The following PLCB1 variants were observed in gnomAD, a reference collection of about 807,000 sequenced individuals.
PLCB1 encodes the protein phospholipase C beta 1, also known as 1-phosphatidylinositol 4,5-bisphosphate phosphodiesterase beta-1.
In PLCB1, 46 loss-of-function variants were observed where a neutral mutation model predicts 161.8. The observed-to-expected ratio is 0.28, with a 90% CI of 0.22 to 0.36. The LOEUF (loss-of-function observed/expected upper bound fraction) is 0.36. PLCB1 is among the 10% of genes least tolerant of loss of function. The probability of loss-of-function intolerance (pLI) is 1.00; values close to 1 mark genes in which losing one functional copy is unlikely to be tolerated. For synonymous variants in PLCB1, 517 were observed against 503.7 expected (o/e 1.03, Z -0.35); for missense variants, 1,016 against 1,472.5 (o/e 0.69, Z 5.07).
At chr20:8,234,868 C>T (rs538822397) in intron 2 of PLCB1, among the ~76,000 whole-genome samples, 7 of 152,136 alleles carry the variant, frequency 4.6e-5, no homozygotes, top group South Asian at 2.1e-4. Context: ...AACTGTCACC[C>T]GGAATATAAT....
chr20:8,499,765 G>A (rs1266804589), intron 3 of PLCB1, among the ~76,000 whole-genome samples: 1 of 152,110 alleles, frequency 6.6e-6, no homozygotes, highest in East Asian at 1.9e-4. Context: ...GTGGAGATTT[G>A]GGTGTGATTC....
chr20:8,520,775 T>G (rs1984317165), intron 3 of PLCB1, among the ~76,000 whole-genome samples: 1 of 152,230 alleles, frequency 6.6e-6, no homozygotes, highest in Non-Finnish European at 1.5e-5. Flanking sequence ...CTTTGGGGTC[T>G]GGCTTCTTTT....
intron 31 of PLCB1, among the ~76,000 whole-genome samples, chr20:8,815,585 A>AC (rs35720234): frequency 0.092 from 13,968 of 152,078 alleles, 1,823 homozygotes; most frequent in African/African-American, 0.29. Context: ...AAAGAGGCCC[A>AC]AGAGGTCCAC....
chr20:8,535,451 C>T (rs1340302528), intron 3 of PLCB1, among the ~76,000 whole-genome samples: 1 of 152,034 alleles, frequency 6.6e-6, no homozygotes, highest in Non-Finnish European at 1.5e-5. Flanking sequence ...ATAGTAGTTC[C>T]ATTTCTAAGG....
At chr20:8,416,725 T>C (rs891154336) in intron 3 of PLCB1, among the ~76,000 whole-genome samples, 4 of 152,030 alleles carry the variant, frequency 2.6e-5, no homozygotes, top group Non-Finnish European at 5.9e-5. Context: ...AGCCAAGTTT[T>C]GAAATGTGAG....
chr20:8,514,445 CAA>C (rs752609524), intron 3 of PLCB1, among the ~76,000 whole-genome samples: 3,914 of 78,412 alleles, frequency 0.05, 155 homozygotes, highest in African/African-American at 0.16. Context: ...ACTCCATCTC[CAA>C]AAAAAAAAAA....
At chr20:8,425,128 G>GT (rs1356131348) in intron 3 of PLCB1, among the ~76,000 whole-genome samples, 334 of 106,758 alleles carry the variant, frequency 3.1e-3, no homozygotes, top group African/African-American at 8.6e-3. Flanking sequence ...GCATTCTGAG[G>GT]TGTTTTTTTT....
At chr20:8,381,365 G>T (rs1010004021) in intron 3 of PLCB1, among the ~76,000 whole-genome samples, 1 of 152,096 alleles carries the variant, frequency 6.6e-6, no homozygotes, top group East Asian at 1.9e-4. Context: ...GAGGATTTTT[G>T]CATCGATGTT....
At chr20:8,421,532 A>C (rs1979538315) in intron 3 of PLCB1, among the ~76,000 whole-genome samples, 2 of 152,110 alleles carry the variant, frequency 1.3e-5, no homozygotes, top group Admixed American at 6.5e-5. Flanking sequence ...ACATTTGTGA[A>C]ACCTCATATG....
chr20:8,867,299 C>A lies in PLCB1; in HGVS notation c.3424-14323C>A, dbSNP rs764758939. 3.7e-4 allele frequency among the ~76,000 whole-genome samples: 57 copies of A among 152,314 alleles called. 1 individual carries two copies. Among genetic ancestry groups the A allele is most frequent in the Non-Finnish European group, 6.0e-4 (41 of 68,030 alleles). On this transcript the variant is annotated intron_variant, in intron 31 of 31. Transcript: ENST00000338037. ...AGGGCAGGACCCCCACAGGAAAAAGCCTTTGGAGACCCAAGACTTCCTGAA... is the reference window on the plus strand; with the variant it reads ...AGGGCAGGACCCCCACAGGAAAAAGACTTTGGAGACCCAAGACTTCCTGAA...
chr20:8,248,243 C>T (rs577055767), intron 2 of PLCB1, among the ~76,000 whole-genome samples: 31 of 151,874 alleles, frequency 2.0e-4, no homozygotes, highest in Non-Finnish European at 3.8e-4. Context: ...GGTAGCTTGG[C>T]TTTTACATTC....
chr20:8,428,790 A>G (rs1979905778), intron 3 of PLCB1, among the ~76,000 whole-genome samples: 1 of 152,228 alleles, frequency 6.6e-6, no homozygotes, highest in African/African-American at 2.4e-5. Context: ...TCTTTGAGAA[A>G]TGATGGAGAA....
intron 27 of PLCB1, among the ~76,000 whole-genome samples, chr20:8,779,370 G>T (rs149048945): frequency 6.6e-6 from 1 of 151,890 alleles, no homozygotes; most frequent in East Asian, 1.9e-4. Flanking sequence ...GGAAAAAATG[G>T]ATATGAAAGC....
At chr20:8,257,025 A>C (rs559947168) in intron 2 of PLCB1, 3 of 152,320 alleles carry the variant, frequency 2.0e-5, no homozygotes, top group South Asian at 2.1e-4. Flanking sequence ...ACTGTAAATC[A>C]AACCAAATTT....
chr20:8,388,735 C>G (rs1338354802), intron 3 of PLCB1, among the ~76,000 whole-genome samples: 3 of 152,050 alleles, frequency 2.0e-5, no homozygotes, highest in Non-Finnish European at 4.4e-5. Flanking sequence ...ATAGGGCTAA[C>G]AACTTATTGA....
At chr20:8,262,926 G>T (rs777184862) in intron 2 of PLCB1, among the ~76,000 whole-genome samples, 2 of 152,080 alleles carry the variant, frequency 1.3e-5, no homozygotes, top group Non-Finnish European at 2.9e-5. Context: ...CCATCATGAG[G>T]GTCCCCCTCT....
chr20:8,830,771 A>G (rs528472811), intron 31 of PLCB1, among the ~76,000 whole-genome samples: 51 of 152,248 alleles, frequency 3.3e-4, no homozygotes, highest in African/African-American at 1.2e-3. Context: ...TGGCATCAGT[A>G]TGTCTGGGCA....
At chr20:8,288,253 C>CAA (rs112900672) in intron 2 of PLCB1, among the ~76,000 whole-genome samples, 9,205 of 151,874 alleles carry the variant, frequency 0.061, 402 homozygotes, top group Middle Eastern at 0.11. Flanking sequence ...CTGGAGGCTA[C>CAA]AAAAAAATGA....
Position 8,173,716 on chromosome 20 carries a change from A to G in PLCB1, c.177+23345A>G, listed in dbSNP as rs1315250982. On this transcript the variant is annotated intron_variant, in intron 2 of 31. Transcript: ENST00000338037. ...TTACAAGAATTTTAAAGCAGCCACC[A>G]TAAAAAATGTTTCAGCAGTCAAAAA... Among the ~76,000 whole-genome samples the G allele has an allele frequency of 3.3e-5, 5 of 152,354 alleles. No individual in the cohort carries two copies. The East Asian group carries it at 9.6e-4, about 29-fold the overall frequency.
Sources: allele counts gnomAD v4.1 joint callset (sites outside exome capture counted in the v4.1 genomes callset), GRCh38; gene constraint gnomAD v4.1.1; transcripts MANE v1.5; gene names NCBI Gene and HGNC (gene_info 2026-07-23, HGNC 2026-07-21).